ADGRG6: variants seen among roughly 807,000 people sequenced by gnomAD.
ADGRG6 encodes G-protein coupled receptor 126.
A neutral mutation model predicts 142.4 loss-of-function variants in ADGRG6; 84 were observed. That is an observed-to-expected ratio of 0.59 (90% CI 0.49 to 0.71). The LOEUF (loss-of-function observed/expected upper bound fraction) is 0.71, where lower values mean the gene tolerates loss of function less well. ADGRG6 is among the 30% of genes least tolerant of loss of function. ADGRG6 has a pLI of 0.00. For missense variants in ADGRG6, 1,367 were observed against 1,466.6 expected (o/e 0.93, Z 1.11); for synonymous variants, 521 against 520.5 (o/e 1.00, Z -0.01).
At chr6:142,385,566 G>A (rs577864942) in intron 6 of ADGRG6, among the ~76,000 whole-genome samples, 67 of 152,098 alleles carry the variant, frequency 4.4e-4, no homozygotes, top group African/African-American at 1.6e-3. Context: ...TTTCACAATT[G>A]TAAAGTGAAA....
At chr6:142,434,201 A>G (rs978971545) in intron 22 of ADGRG6, among the ~76,000 whole-genome samples, 1 of 150,122 alleles carries the variant, frequency 6.7e-6, no homozygotes, top group South Asian at 2.1e-4. Context: ...TTATTTATAT[A>G]AATATATAAC....
rs140284487 is a variant in ADGRG6, at chr6:142,373,592, G to C, written c.1069+2799G>C. On this transcript the variant is annotated intron_variant, in intron 4 of 24. Coordinates refer to ENST00000367609, the MANE Select transcript of ADGRG6 (RefSeq NM_198569.3). ...TTCACTCTGTCCCCCAGGGTGGACT[G>C]TAGTGGTGCCATCAGAGATCGCTAT... Among the ~76,000 whole-genome samples, 623 of 152,352 alleles carry C rather than the reference G, an allele frequency of 4.1e-3. 3 individuals are homozygous for C. The highest frequency in any genetic ancestry group is 0.014 in the African/African-American group (591 of 41,586).
intron 2 of ADGRG6, among the ~76,000 whole-genome samples, chr6:142,325,522 A>G (rs1227230314): frequency 2.0e-5 from 3 of 152,182 alleles, no homozygotes; most frequent in African/African-American, 7.2e-5. Flanking sequence ...TAAAATCCAA[A>G]CAACCAATTT....
intron 2 of ADGRG6, among the ~76,000 whole-genome samples, chr6:142,324,799 T>G (rs1377161686): frequency 1.3e-5 from 2 of 152,146 alleles, no homozygotes; most frequent in African/African-American, 4.8e-5. Flanking sequence ...ATGTTTCTAT[T>G]TTTCCCTTAT....
At chr6:142,398,055 T>G (rs1191507249) in intron 10 of ADGRG6, among the ~76,000 whole-genome samples, 1 of 152,174 alleles carries the variant, frequency 6.6e-6, no homozygotes, top group African/African-American at 2.4e-5. Context: ...TTGTCAACTT[T>G]AGGGAAAAAA....
chr6:142,344,681 G>C (rs1047016358), intron 2 of ADGRG6, among the ~76,000 whole-genome samples: 1 of 151,808 alleles, frequency 6.6e-6, no homozygotes, highest in Non-Finnish European at 1.5e-5. Context: ...AAAATAGCTG[G>C]CTTCCTTAAA....
chr6:142,335,171 A>C (rs1779252583), intron 2 of ADGRG6, among the ~76,000 whole-genome samples: 1 of 152,200 alleles, frequency 6.6e-6, no homozygotes, highest in Non-Finnish European at 1.5e-5. Flanking sequence ...AAGAGATCAG[A>C]AATAGTGTTA....
At chr6:142,323,355 G>A (rs983967887) in intron 2 of ADGRG6, among the ~76,000 whole-genome samples, 9 of 151,752 alleles carry the variant, frequency 5.9e-5, no homozygotes, top group Non-Finnish European at 1.2e-4. Flanking sequence ...ATTCCAGTAC[G>A]CATTAAAAAA....
At chr6:142,338,550 G>T (rs116568175) in intron 2 of ADGRG6, among the ~76,000 whole-genome samples, 1,706 of 150,660 alleles carry the variant, frequency 0.011, 12 homozygotes, top group Middle Eastern at 0.082. Flanking sequence ...CATATATTTT[G>T]TGCTTAAATA....
At chr6:142,316,973 C>T (rs910882533) in intron 2 of ADGRG6, among the ~76,000 whole-genome samples, 1 of 152,090 alleles carries the variant, frequency 6.6e-6, no homozygotes, top group African/African-American at 2.4e-5. Context: ...TCTCATCTCT[C>T]TTTAGAATGG....
intron 14 of ADGRG6, chr6:142,405,198 GC>G: frequency 2.7e-6 from 1 of 364,686 alleles, no homozygotes; most frequent in South Asian, 2.2e-5. Flanking sequence ...AAGACAATTT[GC>G]AGGAAAGCAT....
At chr6:142,420,173 T>C in intron 22 of ADGRG6, 69 bp downstream of exon 22, 2 of 1,185,888 alleles carry the variant, frequency 1.7e-6, no homozygotes, top group Non-Finnish European at 2.5e-6. Flanking sequence ...GCTTCACTTT[T>C]GGACAGATGC....
At position 142,403,892 on chromosome 6, in the gene ADGRG6, C is replaced by G. The variant is rs200367753; in HGVS notation, c.2046C>G (p.Ser682Arg). ...VNITTRNLAL[S>R]VSSLLPGTNA... is the part of the protein sequence containing the mutation. Reference sequence around the variant, plus strand: ...TTACAACTCGGAACTTGGCTCTCAGCGTATCATCCCTGTTACCAGGGACAA... The same window carrying G: ...TTACAACTCGGAACTTGGCTCTCAGGGTATCATCCCTGTTACCAGGGACAA... Residue 682 changes from serine (S) to arginine (R), a missense_variant, in exon 14 of 25, where the codon AGC (serine) becomes AGG (arginine). Coordinates refer to ENST00000367609, the MANE Select transcript of ADGRG6 (RefSeq NM_198569.3). The G allele has an allele frequency of 6.2e-5, 100 of 1,607,614 alleles. No individual in the cohort carries two copies. The highest frequency in any genetic ancestry group is 2.0e-4 in the Admixed American group (12 of 59,888).
intron 18 of ADGRG6, among the ~76,000 whole-genome samples, chr6:142,412,751 ATTCTT>A (rs1410330719): frequency 7.2e-5 from 11 of 152,310 alleles, no homozygotes; most frequent in South Asian, 4.1e-4. Context: ...GATAGCAGGC[ATTCTT>A]TCAAAGAACA....
chr6:142,383,771 T>A lies in ADGRG6; in HGVS notation c.1150T>A (p.Ser384Thr). 6.5e-7 allele frequency: 1 copy of A among 1,538,014 alleles called. No homozygotes were observed. The highest frequency in any genetic ancestry group is 1.1e-5 in the South Asian group (1 of 88,298). ...LGTLCQATVN[S>T]PSTTPPTVTT... Reference sequence around the variant, plus strand: ...ATCTTTATTACCAGCTACTGTAAACTCTCCTAGTACTACACCACCCACTGT... The same window carrying A: ...ATCTTTATTACCAGCTACTGTAAACACTCCTAGTACTACACCACCCACTGT... The change falls in exon 6 of 25, where the codon TCT becomes ACT. Residue 384 changes from serine (S) to threonine (T), a missense_variant. Transcript: ENST00000367609.
chr6:142,443,068 T>C (rs1335212952), intron 24 of ADGRG6, among the ~76,000 whole-genome samples: 1 of 152,188 alleles, frequency 6.6e-6, no homozygotes, highest in Non-Finnish European at 1.5e-5. Flanking sequence ...TATTTTTTCA[T>C]TGGCTCTGCT....
rs761840876 is a variant in ADGRG6 at position 142,420,082 on chromosome 6, C to T, written c.3297C>T (p.Phe1099=). The change falls in exon 22 of 25, where the codon TTC becomes TTT. Residue 1099 remains phenylalanine (F), a synonymous_variant. Transcript: ENST00000367609. ...TAAATATCCCCTTCATGTACCTCTTCTCCATCTTCAATTCATTACAAGGTA... is the reference window on the plus strand; with the variant it reads ...TAAATATCCCCTTCATGTACCTCTTTTCCATCTTCAATTCATTACAAGGTA... ...GPLNIPFMYL[F]SIFNSLQGLF... 8.1e-6 allele frequency: 13 copies of T among 1,612,108 alleles called. No individual in the cohort carries two copies. In the South Asian group the frequency reaches 1.4e-4, roughly 18 times the overall value.
chr6:142,392,799 C>G (rs1394609947), intron 7 of ADGRG6, 149 bp from the exon 8 acceptor site: 3 of 608,852 alleles, frequency 4.9e-6, no homozygotes, highest in Non-Finnish European at 8.9e-6. Flanking sequence ...TTAACTGTTA[C>G]AATGATCCAT....
chr6:142,354,573 A>G (rs1780354214), intron 2 of ADGRG6, among the ~76,000 whole-genome samples: 1 of 152,194 alleles, frequency 6.6e-6, no homozygotes, highest in African/African-American at 2.4e-5. Flanking sequence ...GATTATTTGT[A>G]TAAGACAAAT....
Sources: gnomAD v4.1 joint callset for allele counts (sites outside exome capture counted in the v4.1 genomes callset) on GRCh38, gnomAD v4.1.1 for gene constraint, MANE v1.5 for transcripts, NCBI Gene and HGNC (gene_info 2026-07-23, HGNC 2026-07-21) for gene names.